UFSP2: variants seen among roughly 807,000 people sequenced by gnomAD.
UFSP2 encodes UFM1 specific peptidase 2.
UFSP2 carries 43 observed loss-of-function variants against 60.2 expected under a neutral mutation model. The observed-to-expected ratio is 0.71, with a 90% CI of 0.56 to 0.92. The LOEUF (loss-of-function observed/expected upper bound fraction) is 0.92, where lower values mean the gene tolerates loss of function less well. Among genes scored for constraint, UFSP2 ranks in the 40% least tolerant of loss-of-function variants. UFSP2 has a pLI of 0.00. For synonymous variants in UFSP2, 183 were observed against 195.1 expected (o/e 0.94, Z 0.52); for missense variants, 520 against 575.0 (o/e 0.90, Z 0.98).
intron 7 of UFSP2, among the ~76,000 whole-genome samples, chr4:185,411,640 A>G (rs778312250): frequency 1.3e-5 from 2 of 152,222 alleles, no homozygotes; most frequent in South Asian, 2.1e-4. Flanking sequence ...TAATATATCT[A>G]TAATTTTCCT....
chr4:185,423,430 T>C (rs2095553021), intron 1 of UFSP2, among the ~76,000 whole-genome samples: 1 of 152,148 alleles, frequency 6.6e-6, no homozygotes, highest in Non-Finnish European at 1.5e-5. Context: ...GCAGTAAGAA[T>C]CAAAGGTTTA....
At chr4:185,405,890 C>T (rs1219020885) in intron 9 of UFSP2, 34 bp from the exon 10 acceptor site, 2 of 1,613,808 alleles carry the variant, frequency 1.2e-6, no homozygotes, top group Admixed American at 1.7e-5. Flanking sequence ...AGATGAACTA[C>T]TTCCAACACT....
At chr4:185,412,788 C>A (rs1002295071) in intron 7 of UFSP2, among the ~76,000 whole-genome samples, 1 of 152,024 alleles carries the variant, frequency 6.6e-6, no homozygotes, top group African/African-American at 2.4e-5. Flanking sequence ...ACTGAAGACA[C>A]CTGCTAGTCA....
At chr4:185,401,150 C>T (rs2095512718) in intron 11 of UFSP2, among the ~76,000 whole-genome samples, 1 of 152,086 alleles carries the variant, frequency 6.6e-6, no homozygotes, top group Non-Finnish European at 1.5e-5. Context: ...TTGAGAAATC[C>T]TTGCAAGGAG....
chr4:185,403,101 A>G (rs971607297), intron 11 of UFSP2, among the ~76,000 whole-genome samples: 1 of 152,214 alleles, frequency 6.6e-6, no homozygotes, highest in Non-Finnish European at 1.5e-5. Flanking sequence ...AGCCTCCATA[A>G]TGTCTAGCAT....
chr4:185,410,337 T>G (rs2095527051), intron 7 of UFSP2, among the ~76,000 whole-genome samples: 1 of 152,094 alleles, frequency 6.6e-6, no homozygotes, highest in Admixed American at 6.6e-5. Context: ...TGCTTGAAAT[T>G]TAAAAGCTTA....
Position 185,400,055 on chromosome 4 carries a change from C to T in UFSP2, c.*337G>A, listed in dbSNP as rs9999683. On this transcript the variant is annotated 3_prime_UTR_variant, in exon 12 of 12. Coordinates refer to ENST00000264689, the MANE Select transcript of UFSP2 (RefSeq NM_018359.5). ...TATGAAGAAGTCTGAAGAACGCCTT[C>T]ATTTCATGCAAATCTATAAGCTCCT... is the stretch of plus-strand genomic sequence containing the variant. 1,749 of 1,536,550 alleles carry T rather than the reference C, an allele frequency of 1.1e-3. 17 individuals carry two copies. In the African/African-American group the frequency reaches 0.022, roughly 19 times the overall value.
chr4:185,413,259 G>A (rs1256706889), intron 7 of UFSP2, among the ~76,000 whole-genome samples: 1 of 152,106 alleles, frequency 6.6e-6, no homozygotes, highest in African/African-American at 2.4e-5. Flanking sequence ...GTGGTGGCAG[G>A]TGCCTGTAAC....
chr4:185,415,382 G>A, intron 5 of UFSP2, 35 bp from the exon 6 acceptor site: 6 of 1,493,144 alleles, frequency 4.0e-6, no homozygotes, highest in Non-Finnish European at 5.4e-6. Flanking sequence ...ATTAACAAAA[G>A]TTATAGTGAC....
At chr4:185,404,452 C>T (rs1451386836) in intron 10 of UFSP2, among the ~76,000 whole-genome samples, 1 of 151,826 alleles carries the variant, frequency 6.6e-6, no homozygotes, top group Non-Finnish European at 1.5e-5. Flanking sequence ...CACACCAGCA[C>T]ACCCAGCGAA....
At chr4:185,423,742 A>C (rs1282196586) in intron 1 of UFSP2, among the ~76,000 whole-genome samples, 2 of 152,172 alleles carry the variant, frequency 1.3e-5, no homozygotes, top group Non-Finnish European at 2.9e-5. Context: ...CACAAATGAC[A>C]TGTATCATTG....
At chr4:185,401,479 A>C (rs746601706) in intron 11 of UFSP2, among the ~76,000 whole-genome samples, 6 of 152,006 alleles carry the variant, frequency 3.9e-5, no homozygotes, top group Non-Finnish European at 8.8e-5. Flanking sequence ...TTTAAAGGAG[A>C]AATTGGTAGA....
At chr4:185,422,608 C>T (rs370065167) in intron 1 of UFSP2, 45 bp from the exon 2 acceptor site, 8 of 1,286,412 alleles carry the variant, frequency 6.2e-6, no homozygotes, top group Non-Finnish European at 7.7e-6. Flanking sequence ...TAAAACAAAA[C>T]AAACTCATAT....
chr4:185,405,939 T>C, intron 9 of UFSP2, 83 bp from the exon 10 acceptor site: 1 of 1,604,454 alleles, frequency 6.2e-7, no homozygotes, highest in Non-Finnish European at 8.5e-7. Flanking sequence ...GTTTCCTACT[T>C]TCTTGTTTTT....
intron 11 of UFSP2, among the ~76,000 whole-genome samples, chr4:185,401,219 A>AT (rs1046299532): frequency 9.9e-5 from 15 of 152,196 alleles, no homozygotes; most frequent in African/African-American, 3.6e-4. Context: ...CTCCCTCCTA[A>AT]TAAGATACAC....
chr4:185,405,892 T>A, intron 9 of UFSP2, 36 bp from the exon 10 acceptor site: 1 of 1,613,846 alleles, frequency 6.2e-7, no homozygotes, highest in Non-Finnish European at 8.5e-7. Flanking sequence ...ATGAACTACT[T>A]CCAACACTAC....
chr4:185,420,655 C>T (rs531156440), intron 2 of UFSP2, among the ~76,000 whole-genome samples: 26 of 152,248 alleles, frequency 1.7e-4, no homozygotes, highest in African/African-American at 6.0e-4. Context: ...CTACAAAAGA[C>T]AAACATAATT....
chr4:185,413,370 A>T (rs1330106588), intron 7 of UFSP2, among the ~76,000 whole-genome samples: 1 of 152,202 alleles, frequency 6.6e-6, no homozygotes, highest in Non-Finnish European at 1.5e-5. Flanking sequence ...CCTGAGTGAC[A>T]GAGCGAGACT....
intron 11 of UFSP2, among the ~76,000 whole-genome samples, chr4:185,400,810 A>G (rs529762394): frequency 1.5e-3 from 222 of 152,208 alleles, no homozygotes; most frequent in Non-Finnish European, 1.8e-3. Flanking sequence ...TTGAACTAGC[A>G]ATCTGTTTTT....
Sources: gnomAD v4.1 joint callset for allele counts (sites outside exome capture counted in the v4.1 genomes callset) on GRCh38, gnomAD v4.1.1 for gene constraint, MANE v1.5 for transcripts, NCBI Gene and HGNC (gene_info 2026-07-23, HGNC 2026-07-21) for gene names.